The following GJB6 variants were observed in gnomAD, a reference collection of about 807,000 sequenced individuals.
The protein encoded by GJB6 is gap junction beta-6 protein.
In GJB6, 5 loss-of-function variants were observed where a neutral mutation model predicts 5.4. The observed-to-expected ratio is 0.92, with a 90% CI of 0.48 to 1.93. The LOEUF (loss-of-function observed/expected upper bound fraction) is 1.93, where lower values mean the gene tolerates loss of function less well. Among genes scored for constraint, GJB6 ranks in the 30% most tolerant of loss-of-function variants. GJB6 has a pLI of 0.01. For synonymous variants in GJB6, 136 were observed against 129.6 expected (o/e 1.05, Z -0.34); for missense variants, 298 against 326.9 (o/e 0.91, Z 0.68).
chr13:20,230,750 A>C lies in GJB6; in HGVS notation c.-238T>G, dbSNP rs1055067353. On this transcript the variant is annotated 5_prime_UTR_variant, in exon 3 of 5. Coordinates refer to ENST00000647029, the MANE Select transcript of GJB6 (RefSeq NM_001110219.3). ...GCATGAAGAGGGCGTACAAGTTAGAATTTTTCTTTCGCCATACAGAAATTG... is the reference window on the plus strand; with the variant it reads ...GCATGAAGAGGGCGTACAAGTTAGACTTTTTCTTTCGCCATACAGAAATTG... 3.9e-5 allele frequency: 6 copies of C among 152,182 alleles called. No homozygotes were observed. The highest frequency in any genetic ancestry group is 3.9e-4 in the Admixed American group (6 of 15,278). The allele number at this position is 152,182 out of a possible 1,614,324, so 9.4% of individuals were successfully genotyped here.
intron 4 of GJB6, among the ~76,000 whole-genome samples, chr13:20,224,714 TA>T (rs1358896539): frequency 2.6e-5 from 4 of 152,136 alleles, no homozygotes; most frequent in African/African-American, 4.8e-5. Flanking sequence ...CTTTGAAAAA[TA>T]AAAGGAGGTA....
intron 4 of GJB6, among the ~76,000 whole-genome samples, chr13:20,224,219 G>A (rs138648396): frequency 4.6e-5 from 7 of 151,702 alleles, no homozygotes; most frequent in Admixed American, 1.3e-4. Context: ...TTATTCAGGG[G>A]GAAAAAAAAC....
At chr13:20,232,044 C>T (rs1345073450) in intron 1 of GJB6, 150 bp downstream of exon 1, 1 of 152,298 alleles carries the variant, frequency 6.6e-6, no homozygotes, top group Non-Finnish European at 1.5e-5. Context: ...GGCTCTGATC[C>T]GGTGCCAGAC....
Position 20,222,854 on chromosome 13 carries a change from C to T in GJB6, c.627G>A (p.Glu209=), listed in dbSNP as rs913100819. 6.2e-7 allele frequency: 1 copy of T among 1,614,046 alleles called. No individual in the cohort carries two copies. The highest frequency in any genetic ancestry group is 1.3e-5 in the African/African-American group (1 of 74,908). ...SVICMLLNVA[E]LCYLLLKVCF... ...ACACTTTCAGCAGCAGGTAGCACAA[C>T]TCTGCCACGTTAAGCAGCATGCAAA... The change falls in exon 5 of 5, where the codon GAG becomes GAA. Residue 209 remains glutamate, a synonymous_variant. Coordinates refer to ENST00000647029, the MANE Select transcript of GJB6 (RefSeq NM_001110219.3).
intron 4 of GJB6, among the ~76,000 whole-genome samples, chr13:20,226,173 C>T (rs9972088): frequency 0.38 from 58,227 of 151,658 alleles, 11,690 homozygotes; most frequent in Admixed American, 0.54. Flanking sequence ...TTGAGGAAGA[C>T]GCTGAGGCAC....
chr13:20,223,222 G>C lies in GJB6; in HGVS notation c.259C>G (p.Pro87Ala), dbSNP rs1350121993. 1.6e-5 allele frequency: 25 copies of C among 1,610,446 alleles called. No homozygotes were observed. Among genetic ancestry groups the C allele is most frequent in the Non-Finnish European group, 2.1e-5 (25 of 1,177,104 alleles). The change falls in exon 5 of 5, where the codon CCA (proline) becomes GCA (alanine). Residue 87 changes from proline to alanine, a missense_variant. Transcript: ENST00000647029. The stretch of plus-strand genomic sequence containing the variant: ...ACATGCATGGCCACCAGCAGCGCTG[G>C]GGTGGAGACGAAGATCAGCTGGAGG... ...WALQLIFVST[P>A]ALLVAMHVAY...
chr13:20,222,887 C>G lies in GJB6; in HGVS notation c.594G>C (p.Ala198=). The G allele has an allele frequency of 6.2e-7, 1 of 1,614,054 alleles. No individual in the cohort carries two copies. The highest frequency in any genetic ancestry group is 1.1e-5 in the South Asian group (1 of 91,082). ...CGTTAAGCAGCATGCAAATCACAGA[C>G]GCAGAAATCATAAAAATGGTAAACA... The part of the protein sequence containing the change: ...KTVFTIFMIS[A]SVICMLLNVA... The change falls in exon 5 of 5, where the codon GCG becomes GCC. Residue 198 remains alanine (A), a synonymous_variant. Transcript: ENST00000647029.
chr13:20,230,301 G>A (rs1869995870), intron 3 of GJB6, among the ~76,000 whole-genome samples: 1 of 152,158 alleles, frequency 6.6e-6, no homozygotes, highest in Non-Finnish European at 1.5e-5. Flanking sequence ...TGTCTGTGGA[G>A]TCTAGATGTA....
Position 20,223,318 on chromosome 13 carries a change from T to C in GJB6, c.163A>G (p.Thr55Ala). The change falls in exon 5 of 5, where the codon ACA (threonine) becomes GCA (alanine). Residue 55 changes from threonine to alanine, a missense_variant. Coordinates refer to ENST00000647029, the MANE Select transcript of GJB6 (RefSeq NM_001110219.3). ...ACATTTTTGCATCCCGGTTGCAGTG[T>C]GTTGCAGACGAAGTCCTCTTGCTCG... The part of the protein sequence containing the change: ...GDEQEDFVCN[T>A]LQPGCKNVCY... The C allele has an allele frequency of 6.2e-7, 1 of 1,614,126 alleles. No homozygotes were observed. The highest frequency in any genetic ancestry group is 8.5e-7 in the Non-Finnish European group (1 of 1,180,018).
intron 4 of GJB6, chr13:20,225,492 C>G (rs1456891053): frequency 6.6e-6 from 1 of 152,094 alleles, no homozygotes; most frequent in East Asian, 1.9e-4. Context: ...TGAGGGTATA[C>G]TACTATTTTT....
At chr13:20,228,293 T>A (rs1355019668) in intron 4 of GJB6, among the ~76,000 whole-genome samples, 1 of 152,180 alleles carries the variant, frequency 6.6e-6, no homozygotes, top group Non-Finnish European at 1.5e-5. Flanking sequence ...GAGGTTCATT[T>A]TAACTGATGC....
chr13:20,224,215 AG>A (rs1270481994), intron 4 of GJB6, among the ~76,000 whole-genome samples: 2 of 152,082 alleles, frequency 1.3e-5, no homozygotes, highest in Non-Finnish European at 2.9e-5. Context: ...TAGCTTATTC[AG>A]GGGGAAAAAA....
In GJB6 at chr13:20,228,632, CTG is replaced by C. The variant is rs1295429238; in HGVS notation, c.-16+946_-16+947del. On this transcript the variant is annotated intron_variant, in intron 4 of 4. Transcript: ENST00000647029. ...TCTGAGCAGCTGGGACTACAGGCGC[CTG>C]CCACCAAGCCCGGCTAATTTTTTGT... 3.5e-3 allele frequency among the ~76,000 whole-genome samples: 522 copies of C among 151,020 alleles called. 8 individuals carry two copies. The highest frequency in any genetic ancestry group is 0.011 in the African/African-American group (440 of 41,102).
chr13:20,226,370 C>T (rs1486666511), intron 4 of GJB6, among the ~76,000 whole-genome samples: 1 of 151,834 alleles, frequency 6.6e-6, no homozygotes, highest in Non-Finnish European at 1.5e-5. Flanking sequence ...TCATCAGAGG[C>T]TGTGTGAGTG....
chr13:20,232,199 C>T lies in GJB6; in HGVS notation c.-425G>A, dbSNP rs1339285047. 6.6e-6 allele frequency: 1 copy of T among 152,066 alleles called. No homozygotes were observed. The highest frequency in any genetic ancestry group is 1.9e-4 in the East Asian group (1 of 5,192). 9.4% of individuals were successfully genotyped at this position (152,066 alleles called of 1,614,324 possible). A position where few individuals can be genotyped will look rare whatever the true frequency, so the allele number is the denominator to read the frequency against. On this transcript the variant is annotated 5_prime_UTR_variant, in exon 1 of 5. Coordinates refer to ENST00000647029, the MANE Select transcript of GJB6 (RefSeq NM_001110219.3). ...GCCGGTCCGCGCCCGCTTACCTGCT[C>T]TGCGGCCGGCGGCCCTGGCGCGGGC...
In GJB6 at chr13:20,223,482, G is replaced by T. The variant is rs1436058579; in HGVS notation, c.-2C>A. On this transcript the variant is annotated 5_prime_UTR_variant, in exon 5 of 5. Transcript: ENST00000647029. The stretch of plus-strand genomic sequence containing the variant: ...AGTGTGCAGCGTCCCCCAATCCATT[G>T]CGCTGGTTTATCCCTAAACAGACAA... 1.9e-6 allele frequency: 3 copies of T among 1,613,736 alleles called. No homozygotes were observed. Among genetic ancestry groups the T allele is most frequent in the Non-Finnish European group, 2.5e-6 (3 of 1,179,794 alleles).
rs1870028963 is a variant in GJB6 at position 20,230,816 on chromosome 13, C to T, written c.-295-9G>A. 6.6e-6 allele frequency: 1 copy of T among 152,208 alleles called. No homozygotes were observed. Among genetic ancestry groups the T allele is most frequent in the Non-Finnish European group, 1.5e-5 (1 of 68,042 alleles). The allele number at this position is 152,208 out of a possible 1,614,324, so 9.4% of individuals were successfully genotyped here. ...TGTACTTCTTTTCCTTCCTAACACT[C>T]AGAATTCAGAAGAGAAGACATAAGA... On this transcript the variant is annotated splice_polypyrimidine_tract_variant and intron_variant, in intron 2 of 4. Coordinates refer to ENST00000647029, the MANE Select transcript of GJB6 (RefSeq NM_001110219.3).
chr13:20,224,174 C>T (rs150579645), intron 4 of GJB6, among the ~76,000 whole-genome samples: 1 of 152,214 alleles, frequency 6.6e-6, no homozygotes, highest in East Asian at 1.9e-4. Flanking sequence ...TAGGGCTCAC[C>T]TAGCTTCCAC....
In GJB6 at chr13:20,227,461, C is replaced by T. The variant is rs556085586; in HGVS notation, c.-16+2119G>A. Among the ~76,000 whole-genome samples, 11 of 152,260 alleles carry T rather than the reference C, an allele frequency of 7.2e-5. No homozygotes were observed. In the South Asian group the frequency reaches 1.7e-3, roughly 23 times the overall value. The stretch of plus-strand genomic sequence containing the variant: ...TGTCCTCCTGCAAGAGCCACAAAGG[C>T]CCTGTTATTCCTAACAGCAGAAGTG... On this transcript the variant is annotated intron_variant, in intron 4 of 4. Transcript: ENST00000647029.
Sources: allele counts gnomAD v4.1 joint callset (sites outside exome capture counted in the v4.1 genomes callset), GRCh38; gene constraint gnomAD v4.1.1; transcripts MANE v1.5; gene names NCBI Gene and HGNC (gene_info 2026-07-23, HGNC 2026-07-21).